Variants in ATP9A observed in about 807,000 individuals in gnomAD.
The protein encoded by ATP9A is ATPase phospholipid transporting 9A.
ATP9A carries 52 observed loss-of-function variants against 144.1 expected under a neutral mutation model. The ratio of observed to expected loss-of-function variants is 0.36; its 90% CI spans 0.29 to 0.45. ATP9A has a LOEUF of 0.45. Among genes scored for constraint, ATP9A ranks in the 20% least tolerant of loss-of-function variants. The probability of loss-of-function intolerance (pLI) is 1.00; values close to 1 mark genes in which losing one functional copy is unlikely to be tolerated. For synonymous variants in ATP9A, 582 were observed against 557.4 expected (o/e 1.04, Z -0.62); for missense variants, 947 against 1,392.7 (o/e 0.68, Z 5.09).
intron 10 of ATP9A, among the ~76,000 whole-genome samples, chr20:51,675,363 A>T (rs956586104): frequency 6.6e-6 from 1 of 152,168 alleles, no homozygotes; most frequent in South Asian, 2.1e-4. Context: ...GACTCTTAAA[A>T]ATTGGAGGAG....
chr20:51,754,990 C>T (rs1245208088), intron 1 of ATP9A, among the ~76,000 whole-genome samples: 1 of 150,892 alleles, frequency 6.6e-6, no homozygotes, highest in Non-Finnish European at 1.5e-5. Context: ...TGGTGGCATA[C>T]ACCTGTAACC....
intron 24 of ATP9A, 116 bp from the exon 25 acceptor site, chr20:51,608,742 C>T: frequency 1.4e-6 from 1 of 699,446 alleles, no homozygotes; most frequent in Non-Finnish European, 2.6e-6. Flanking sequence ...TACTGCTTGT[C>T]TATTATGCTC....
intron 21 of ATP9A, among the ~76,000 whole-genome samples, chr20:51,617,841 C>A (rs1307006975): frequency 6.6e-6 from 1 of 152,184 alleles, no homozygotes; most frequent in Non-Finnish European, 1.5e-5. Flanking sequence ...CCTCGGAGGC[C>A]GGGATACCCC....
At chr20:51,704,890 C>T (rs1046958581) in intron 4 of ATP9A, among the ~76,000 whole-genome samples, 1 of 152,188 alleles carries the variant, frequency 6.6e-6, no homozygotes, top group African/African-American at 2.4e-5. Context: ...CCTGCTGATG[C>T]TCTGAATCTC....
intron 1 of ATP9A, among the ~76,000 whole-genome samples, chr20:51,740,079 C>T (rs565805487): frequency 6.6e-6 from 1 of 152,220 alleles, no homozygotes; most frequent in Non-Finnish European, 1.5e-5. Context: ...TATTTAGAGA[C>T]AGGGTCTCAC....
intron 16 of ATP9A, among the ~76,000 whole-genome samples, 196 bp from the exon 17 acceptor site, chr20:51,627,879 G>A (rs1307519965): frequency 1.3e-5 from 2 of 152,174 alleles, no homozygotes; most frequent in African/African-American, 4.8e-5. Flanking sequence ...CAGCCGGTGA[G>A]CCAAACACAG....
intron 11 of ATP9A, among the ~76,000 whole-genome samples, chr20:51,672,434 T>C (rs1465752143): frequency 6.6e-6 from 1 of 152,176 alleles, no homozygotes; most frequent in Non-Finnish European, 1.5e-5. Context: ...TCATGTTACA[T>C]GTAGAACTTT....
chr20:51,740,029 T>C (rs1376364202), intron 1 of ATP9A, among the ~76,000 whole-genome samples: 1 of 152,120 alleles, frequency 6.6e-6, no homozygotes, highest in African/African-American at 2.4e-5. Flanking sequence ...TGTACTTTAC[T>C]TTGCTCAAGC....
At chr20:51,621,359 C>G (rs920590265) in intron 19 of ATP9A, among the ~76,000 whole-genome samples, 1 of 151,994 alleles carries the variant, frequency 6.6e-6, no homozygotes, top group Admixed American at 6.6e-5. Flanking sequence ...TGCTATGGAC[C>G]AAAGGCGGGG....
In ATP9A at chr20:51,694,041, G is replaced by A. The variant is rs367904447; in HGVS notation, c.609C>T (p.Pro203=). The part of the protein sequence containing the change: ...DGETDWKLRL[P]VACTQRLPTA... ...TGGGGAGCCTCTGCGTGCAGGCCAC[G>A]GGAAGCCGCAGCTTCCAGTCCGTCT... is the stretch of plus-strand genomic sequence containing the variant. The change falls in exon 7 of 28, where the codon CCC becomes CCT. Residue 203 remains proline (P), a synonymous_variant. Coordinates refer to ENST00000338821, the MANE Select transcript of ATP9A (RefSeq NM_006045.3). 8.1e-6 allele frequency: 13 copies of A among 1,613,776 alleles called. No homozygotes were observed. The African/African-American group carries it at 9.3e-5, about 12-fold the overall frequency.
intron 9 of ATP9A, 111 bp downstream of exon 9, chr20:51,688,953 T>C (rs1317900767): frequency 1.7e-6 from 2 of 1,171,480 alleles, no homozygotes; most frequent in African/African-American, 3.0e-5. Context: ...AAGTGGAAAA[T>C]GCCATTTGAC....
chr20:51,634,611 T>G (rs2077283000), intron 15 of ATP9A, among the ~76,000 whole-genome samples: 1 of 152,012 alleles, frequency 6.6e-6, no homozygotes, highest in South Asian at 2.1e-4. Context: ...ATCCCAGCAC[T>G]TTGGGAGGCC....
chr20:51,687,775 A>AAAATGAATG (rs1555836825), intron 9 of ATP9A, among the ~76,000 whole-genome samples: 4 of 147,460 alleles, frequency 2.7e-5, no homozygotes, highest in African/African-American at 1.0e-4. Context: ...AAAAAAAAAA[A>AAAATGAATG]AATGAATGAA....
At chr20:51,668,663 G>A (rs1441125037) in intron 13 of ATP9A, among the ~76,000 whole-genome samples, 1 of 152,148 alleles carries the variant, frequency 6.6e-6, no homozygotes, top group African/African-American at 2.4e-5. Context: ...TCTTAATAGT[G>A]CTAAAGTACA....
chr20:51,694,106 T>C lies in ATP9A; in HGVS notation c.548-4A>G, dbSNP rs748994624. 4 of 1,613,800 alleles carry C rather than the reference T, an allele frequency of 2.5e-6. No individual in the cohort carries two copies. The highest frequency in any genetic ancestry group is 3.4e-6 in the Non-Finnish European group (4 of 1,179,744). On this transcript the variant is annotated splice_region_variant and splice_polypyrimidine_tract_variant and intron_variant, in intron 6 of 27. Coordinates refer to ENST00000338821, the MANE Select transcript of ATP9A (RefSeq NM_006045.3). ...TCCGTCCGCAAGAAGCATGACCCTG[T>C]GGAAGGAAGTCGGGTGCCGTCACCT...
At chr20:51,733,693 T>G (rs1279218862) in intron 1 of ATP9A, among the ~76,000 whole-genome samples, 1 of 151,524 alleles carries the variant, frequency 6.6e-6, no homozygotes, top group African/African-American at 2.4e-5. Flanking sequence ...AATTTTTTTT[T>G]AAATTAAAAA....
chr20:51,657,135 G>C lies in ATP9A; in HGVS notation c.1309C>G (p.Pro437Ala). Reference sequence around the variant, plus strand: ...GTGAGCGTTGGGCCCTTCTGAGCCGGTGGGTCCTGGGATTGCTACAGGAAG... The same window carrying C: ...GTGAGCGTTGGGCCCTTCTGAGCCGCTGGGTCCTGGGATTGCTACAGGAAG... ...SIYTQQSQDPPAQKGPTLTTK... is the reference protein window; with the variant it reads ...SIYTQQSQDPAAQKGPTLTTK... Residue 437 changes from proline to alanine, a missense_variant, in exon 14 of 28, where the codon CCG (proline) becomes GCG (alanine). By Grantham distance (27) the Pro-to-Ala change is conservative. Coordinates refer to ENST00000338821, the MANE Select transcript of ATP9A (RefSeq NM_006045.3). The C allele has an allele frequency of 6.2e-7, 1 of 1,614,068 alleles. No homozygotes were observed. Among genetic ancestry groups the C allele is most frequent in the Non-Finnish European group, 8.5e-7 (1 of 1,179,986 alleles).
chr20:51,697,777 A>G (rs1009634193), intron 4 of ATP9A, among the ~76,000 whole-genome samples: 4 of 152,288 alleles, frequency 2.6e-5, no homozygotes, highest in Admixed American at 6.5e-5. Context: ...TAGTGGGGGG[A>G]AAAAAGTCTT....
Position 51,627,057 on chromosome 20 carries a change from C to CAA in ATP9A, c.1845+541_1845+542dup, listed in dbSNP as rs11481602. ...GGGCGACAAGAGCGAAACTCTGTCT[C>CAA]AAAAAAAAAAAAAAAAGAAGAAGAA... is the stretch of plus-strand genomic sequence containing the variant. On this transcript the variant is annotated intron_variant, in intron 17 of 27. Coordinates refer to ENST00000338821, the MANE Select transcript of ATP9A (RefSeq NM_006045.3). Among the ~76,000 whole-genome samples the CAA allele has an allele frequency of 5.5e-3, 607 of 110,954 alleles. 7 individuals are homozygous for CAA. The highest frequency in any genetic ancestry group is 0.018 in the African/African-American group (471 of 26,680). The allele number at this position is 110,954 out of a possible 152,430, so 72.8% of individuals were successfully genotyped here.
Sources: gnomAD v4.1 joint callset for allele counts (sites outside exome capture counted in the v4.1 genomes callset) on GRCh38, gnomAD v4.1.1 for gene constraint, MANE v1.5 for transcripts, NCBI Gene and HGNC (gene_info 2026-07-23, HGNC 2026-07-21) for gene names.